PRELID2: variants seen among roughly 807,000 people sequenced by gnomAD.
The protein encoded by PRELID2 is PRELI domain containing 2, also known as PRELI domain-containing protein 2.
In PRELID2, 25 loss-of-function variants were observed where a neutral mutation model predicts 28.4. The observed-to-expected ratio is 0.88, with a 90% confidence interval of 0.64 to 1.23. The LOEUF (loss-of-function observed/expected upper bound fraction) is 1.23, where lower values mean the gene tolerates loss of function less well. Ranked by LOEUF, PRELID2 falls within the 50% of genes most tolerant of loss-of-function variation. The pLI, the probability that PRELID2 is intolerant of heterozygous loss-of-function variation, is 0.00. For synonymous variants in PRELID2, 76 were observed against 71.6 expected, an observed-to-expected ratio of 1.06 and a Z score of -0.31; for missense variants, 201 against 214.4, an observed-to-expected ratio of 0.94 and a Z score of 0.39.
At chr5:145,488,063 G>T (rs186628305) in intron 1 of PRELID2, among the ~76,000 whole-genome samples, 89 of 145,100 alleles carry the variant, frequency 6.1e-4, no homozygotes, top group Non-Finnish European at 3.0e-5. Context: ...GGGAGAGGTT[G>T]CAGTGAGCCG....
chr5:145,808,611 G>A (rs1465608333), intron 4 of PRELID2, among the ~76,000 whole-genome samples: 7 of 152,192 alleles, frequency 4.6e-5, no homozygotes, highest in South Asian at 2.1e-4. Context: ...GCGGTCAGGC[G>A]CAGAGACTCA....
At chr5:145,300,036 G>A in the PRELID2 span, among the ~76,000 whole-genome samples, 3 of 151,574 alleles carry the variant, frequency 2.0e-5, no homozygotes, top group Admixed American at 1.3e-4. Flanking sequence ...TTGATGTATT[G>A]TAATATATTG....
At chr5:145,287,226 A>G in the PRELID2 span, among the ~76,000 whole-genome samples, 1 of 152,162 alleles carries the variant, frequency 6.6e-6, no homozygotes, top group Non-Finnish European at 1.5e-5. Context: ...TTTCCTATGT[A>G]TACATAGCTA....
chr5:145,680,516 A>T (rs1754911367), intron 1 of PRELID2, among the ~76,000 whole-genome samples: 1 of 152,204 alleles, frequency 6.6e-6, no homozygotes, highest in African/African-American at 2.4e-5. Context: ...CAAACTGAGA[A>T]GATGGGTATT....
the PRELID2 span, among the ~76,000 whole-genome samples, chr5:145,404,807 G>C: frequency 6.6e-6 from 1 of 152,156 alleles, no homozygotes; most frequent in African/African-American, 2.4e-5. Flanking sequence ...AGTGAAGCAA[G>C]ATGGAAATGT....
At chr5:145,742,029 T>C (rs1278011371) in intron 1 of PRELID2, among the ~76,000 whole-genome samples, 1 of 127,966 alleles carries the variant, frequency 7.8e-6, no homozygotes, top group Non-Finnish European at 1.6e-5. Context: ...TAAATAAATT[T>C]ATTCATTAAT....
the PRELID2 span, among the ~76,000 whole-genome samples, chr5:145,299,033 T>A: frequency 6.6e-6 from 1 of 152,106 alleles, no homozygotes; most frequent in East Asian, 1.9e-4. Flanking sequence ...TATTTCTAAT[T>A]TTTTATTATA....
chr5:145,727,026 A>C (rs186171949), intron 1 of PRELID2, among the ~76,000 whole-genome samples: 4 of 152,346 alleles, frequency 2.6e-5, no homozygotes, highest in South Asian at 2.1e-4. Flanking sequence ...GGCCAACGTG[A>C]GTATGGAGGC....
chr5:145,561,980 A>C (rs1176280977), intron 1 of PRELID2, among the ~76,000 whole-genome samples: 1 of 136,562 alleles, frequency 7.3e-6, no homozygotes, highest in African/African-American at 3.6e-5. Flanking sequence ...GGATGATGAA[A>C]ATGTTCTGGA....
chr5:145,402,897 T>C, the PRELID2 span, among the ~76,000 whole-genome samples: 2 of 152,168 alleles, frequency 1.3e-5, no homozygotes, highest in African/African-American at 4.8e-5. Flanking sequence ...GGATTCAAAA[T>C]GACCTTGCTG....
the PRELID2 span, among the ~76,000 whole-genome samples, chr5:145,463,378 T>G: frequency 1.3e-5 from 2 of 151,514 alleles, no homozygotes; most frequent in African/African-American, 2.4e-5. Context: ...TAGTTTTAAT[T>G]GATATGGTCC....
At chr5:145,677,454 T>C (rs1377440104) in intron 1 of PRELID2, among the ~76,000 whole-genome samples, 7 of 152,088 alleles carry the variant, frequency 4.6e-5, no homozygotes, top group African/African-American at 1.7e-4. Context: ...CATGCCTGGC[T>C]GAAATTATGT....
intron 1 of PRELID2, among the ~76,000 whole-genome samples, chr5:145,480,785 T>G (rs1434117746): frequency 6.6e-6 from 1 of 152,190 alleles, no homozygotes; most frequent in Non-Finnish European, 1.5e-5. Flanking sequence ...TTTCATAAAA[T>G]TTCTGATTTC....
chr5:145,818,118 CCA>C, intron 3 of PRELID2, 64 bp from the exon 4 acceptor site: 3 of 1,516,650 alleles, frequency 2.0e-6, no homozygotes, highest in Non-Finnish European at 2.7e-6. Flanking sequence ...ATGACTGCAT[CCA>C]GAGTTACTCT....
At chr5:145,279,545 T>G in the PRELID2 span, among the ~76,000 whole-genome samples, 1 of 152,190 alleles carries the variant, frequency 6.6e-6, no homozygotes, top group Non-Finnish European at 1.5e-5. Flanking sequence ...ACACAAACCA[T>G]TTAGCACAGT....
chr5:145,724,600 AATATATAT>A (rs59677300), intron 1 of PRELID2, among the ~76,000 whole-genome samples: 843 of 24,606 alleles, frequency 0.034, 31 homozygotes, highest in East Asian at 0.085. Flanking sequence ...GAAGTAAATA[AATATATAT>A]ATATATATAT....
At chr5:145,322,575 C>T in the PRELID2 span, among the ~76,000 whole-genome samples, 5 of 152,066 alleles carry the variant, frequency 3.3e-5, no homozygotes, top group Admixed American at 6.5e-5. Context: ...CCTAGCAAGA[C>T]AGAAAAACAA....
chr5:145,309,685 A>T, the PRELID2 span, among the ~76,000 whole-genome samples: 1 of 152,190 alleles, frequency 6.6e-6, no homozygotes, highest in Non-Finnish European at 1.5e-5. Flanking sequence ...TATCTCACTT[A>T]TCTTTACAAC....
At chr5:145,800,759 C>T (rs1374980386) in intron 4 of PRELID2, among the ~76,000 whole-genome samples, 2 of 152,094 alleles carry the variant, frequency 1.3e-5, no homozygotes, top group African/African-American at 4.8e-5. Context: ...GAGAGTTTAT[C>T]CTACTATATT....
Sources: allele counts gnomAD v4.1 joint callset (sites outside exome capture counted in the v4.1 genomes callset), GRCh38; gene constraint gnomAD v4.1.1; transcripts MANE v1.5; gene names NCBI Gene and HGNC (gene_info 2026-07-23, HGNC 2026-07-21).